Variants in BCAS3 observed in about 807,000 individuals in gnomAD.
The protein encoded by BCAS3 is BCAS3 microtubule associated cell migration factor, also known as BCAS4/BCAS3 fusion.
A neutral mutation model predicts 116.1 loss-of-function variants in BCAS3; 53 were observed. The ratio of observed to expected loss-of-function variants is 0.46; its 90% CI spans 0.37 to 0.57. The LOEUF is 0.57. BCAS3 is among the 20% of genes least tolerant of loss of function. The pLI is 0.00. For synonymous variants in BCAS3, 391 were observed against 408.2 expected (o/e 0.96, Z 0.51); for missense variants, 917 against 1,165.4 (o/e 0.79, Z 3.10).
In BCAS3 at chr17:61,354,601, G is replaced by T. The variant is rs2058047028; in HGVS notation, c.2426-13726G>T. 1 of 152,244 alleles carries T rather than the reference G, an allele frequency of 6.6e-6. No homozygotes were observed. The highest frequency in any genetic ancestry group is 2.4e-5 in the African/African-American group (1 of 41,468). The allele number at this position is 152,244 out of a possible 1,614,324, so 9.4% of individuals were successfully genotyped here. On this transcript the variant is annotated intron_variant, in intron 22 of 23. Transcript: ENST00000407086. This position sits in a 1 kb window ranked among gnomAD's most constrained non-coding sequence, Gnocchi z 4.5. The stretch of plus-strand genomic sequence containing the variant: ...CAGCTTCAGTGCAAGGACCTGGGAA[G>T]TCGGGATTCTGTAATGTACCTTGCC...
At chr17:61,149,846 C>T (rs1393784179) in intron 22 of BCAS3, among the ~76,000 whole-genome samples, 1 of 152,138 alleles carries the variant, frequency 6.6e-6, no homozygotes, top group East Asian at 1.9e-4. Flanking sequence ...GAAAGTGTTT[C>T]AGGAAAAATC....
At chr17:60,820,548 A>C (rs1190460758) in intron 7 of BCAS3, among the ~76,000 whole-genome samples, 1 of 152,218 alleles carries the variant, frequency 6.6e-6, no homozygotes, top group East Asian at 1.9e-4. Context: ...TTTCACACTA[A>C]AATGGATAGA....
At chr17:60,754,626 A>G (rs190364849) in intron 6 of BCAS3, among the ~76,000 whole-genome samples, 109 of 152,132 alleles carry the variant, frequency 7.2e-4, no homozygotes, top group Non-Finnish European at 9.9e-4. Flanking sequence ...CTGGAGAAAG[A>G]CAATCATTTT....
intron 10 of BCAS3, chr17:60,900,145 A>C (rs1284914082): frequency 6.6e-6 from 1 of 150,738 alleles, no homozygotes. Context: ...ACCTATGAAT[A>C]TTGCACTCCA....
At position 61,196,021 on chromosome 17, in the gene BCAS3, T is replaced by C. The variant is rs1377177115; in HGVS notation, c.2425+111457T>C. 6.6e-6 allele frequency among the ~76,000 whole-genome samples: 1 copy of C among 152,206 alleles called. No individual in the cohort carries two copies. Among genetic ancestry groups the C allele is most frequent in the Non-Finnish European group, 1.5e-5 (1 of 68,030 alleles). The stretch of plus-strand genomic sequence containing the variant: ...GATGTCAGAAGCATATGTAGGTAGT[T>C]TTAAAACTGAAAATATAGCTTGTTT... On this transcript the variant is annotated intron_variant, in intron 22 of 23. Transcript: ENST00000407086. This position sits in a 1 kb window ranked among gnomAD's most constrained non-coding sequence, Gnocchi z 4.7.
rs545110218 is a variant in BCAS3, at chr17:61,368,801, C to T, written c.2593+307C>T. 2.0e-5 allele frequency among the ~76,000 whole-genome samples: 3 copies of T among 152,322 alleles called. No homozygotes were observed. The highest frequency in any genetic ancestry group is 1.9e-4 in the East Asian group (1 of 5,176). ...GGGGTGTCCCCACGTCTTCCAGCAG[C>T]GCTCAGGCACTGAGTCCTCAGGTTG... is the stretch of plus-strand genomic sequence containing the variant. On this transcript the variant is annotated intron_variant, in intron 23 of 23. Transcript: ENST00000407086. The surrounding 1 kb of genome is among the most constrained non-coding windows in gnomAD (Gnocchi z 6.0).
intron 6 of BCAS3, among the ~76,000 whole-genome samples, chr17:60,771,715 C>T (rs1019880963): frequency 2.0e-5 from 3 of 152,156 alleles, no homozygotes; most frequent in Non-Finnish European, 2.9e-5. Flanking sequence ...CCCTATCCCA[C>T]GACAGGCCCC....
Position 61,391,792 on chromosome 17 carries a change from C to T in BCAS3, c.2594-185C>T. ...CTGCCAGCCAGGGGGCTTTCCCTCC[C>T]CTGGCTGAGCCTTCCTGTGACCTGA... On this transcript the variant is annotated intron_variant, in intron 23 of 23. Coordinates refer to ENST00000407086, the MANE Select transcript of BCAS3 (RefSeq NM_017679.5). The surrounding 1 kb of genome is among the most constrained non-coding windows in gnomAD (Gnocchi z 7.7). The T allele has an allele frequency of 3.1e-6, 2 of 648,990 alleles. No individual in the cohort carries two copies. The highest frequency in any genetic ancestry group is 2.6e-5 in the Admixed American group (1 of 38,116). The allele number at this position is 648,990 out of a possible 1,614,324, so 40.2% of individuals were successfully genotyped here.
chr17:60,725,980 C>G (rs927707452), intron 5 of BCAS3, among the ~76,000 whole-genome samples: 29 of 152,276 alleles, frequency 1.9e-4, no homozygotes, highest in African/African-American at 6.7e-4. Flanking sequence ...ACTGCAGCCT[C>G]CACCTCCTGA....
intron 19 of BCAS3, among the ~76,000 whole-genome samples, chr17:61,074,113 G>GAAAA (rs917229045): frequency 1.6e-5 from 1 of 61,220 alleles, no homozygotes; most frequent in Non-Finnish European, 3.8e-5. Context: ...TATCTCTTAA[G>GAAAA]AAAAAAAAAA....
chr17:61,263,109 A>G (rs1043354115), intron 22 of BCAS3, among the ~76,000 whole-genome samples: 1 of 152,212 alleles, frequency 6.6e-6, no homozygotes, highest in Non-Finnish European at 1.5e-5. Context: ...CAGGAAACCA[A>G]TGGCACACAC....
At chr17:60,890,865 G>A (rs981492758) in intron 10 of BCAS3, among the ~76,000 whole-genome samples, 1 of 152,088 alleles carries the variant, frequency 6.6e-6, no homozygotes, top group South Asian at 2.1e-4. Flanking sequence ...TTAGGATGTG[G>A]TAAGTAAAGT....
At chr17:61,112,932 C>A (rs1251605863) in intron 22 of BCAS3, among the ~76,000 whole-genome samples, 2 of 147,608 alleles carry the variant, frequency 1.4e-5, no homozygotes, top group African/African-American at 4.9e-5. Flanking sequence ...GATTAAGAAT[C>A]TCACTCAAAA....
At chr17:60,935,372 A>G (rs921789622) in intron 13 of BCAS3, among the ~76,000 whole-genome samples, 1 of 152,204 alleles carries the variant, frequency 6.6e-6, no homozygotes, top group African/African-American at 2.4e-5. Flanking sequence ...TATAATTGAT[A>G]TAGTAATTAA....
At chr17:60,991,554 C>T in intron 15 of BCAS3, among the ~76,000 whole-genome samples, 1 of 152,090 alleles carries the variant, frequency 6.6e-6, no homozygotes, top group East Asian at 1.9e-4. Flanking sequence ...TGATGGGTGA[C>T]CATTTTAGGT....
rs200532516 is a variant in BCAS3, at chr17:60,782,812, TCTTGA to T, written c.404-25190_404-25186del. On this transcript the variant is annotated intron_variant, in intron 6 of 23. Transcript: ENST00000407086. ...CATGTTGGCCAGGATGGTCTTGATC[TCTTGA>T]CCTCAGGTGATCTGCCTGGCTTGGC... Among the ~76,000 whole-genome samples, 1,199 of 152,054 alleles carry T rather than the reference TCTTGA, an allele frequency of 7.9e-3. 19 individuals carry two copies. Among genetic ancestry groups the T allele is most frequent in the African/African-American group, 0.027 (1,116 of 41,474 alleles).
At chr17:60,779,998 T>A (rs1342351747) in intron 6 of BCAS3, among the ~76,000 whole-genome samples, 7 of 151,874 alleles carry the variant, frequency 4.6e-5, no homozygotes, top group Admixed American at 2.6e-4. Context: ...TTTAATTTTT[T>A]TTTTTTTTTG....
chr17:61,039,356 A>G (rs2067315732), intron 18 of BCAS3, among the ~76,000 whole-genome samples: 1 of 152,008 alleles, frequency 6.6e-6, no homozygotes, highest in Non-Finnish European at 1.5e-5. Flanking sequence ...GTTGATGGAT[A>G]TTTCTACTTT....
chr17:61,162,798 A>G lies in BCAS3; in HGVS notation c.2425+78234A>G, dbSNP rs1304333366. Among the ~76,000 whole-genome samples, 1 of 152,256 alleles carries G rather than the reference A, an allele frequency of 6.6e-6. No homozygotes were observed. Among genetic ancestry groups the G allele is most frequent in the African/African-American group, 2.4e-5 (1 of 41,466 alleles). On this transcript the variant is annotated intron_variant, in intron 22 of 23. Coordinates refer to ENST00000407086, the MANE Select transcript of BCAS3 (RefSeq NM_017679.5). This position sits in a 1 kb window ranked among gnomAD's most constrained non-coding sequence, Gnocchi z 5.6. ...CCCGAGGAACCACTCCTGATGGAAT[A>G]TGAGAAAGAAAAGTGTATTATTTAC...
Sources: gnomAD v4.1 joint callset for allele counts (sites outside exome capture counted in the v4.1 genomes callset) on GRCh38, gnomAD v4.1.1 for gene constraint, Gnocchi (gnomAD v3.1) non-coding constraint, MANE v1.5 for transcripts, NCBI Gene and HGNC (gene_info 2026-07-23, HGNC 2026-07-21) for gene names.